ENPP7: variants seen among roughly 807,000 people sequenced by gnomAD.
ENPP7 encodes ectonucleotide pyrophosphatase/phosphodiesterase 7, also known as ectonucleotide pyrophosphatase/phosphodiesterase family member 7.
In ENPP7, 39 loss-of-function variants were observed where a neutral mutation model predicts 33.6. The observed-to-expected ratio is 1.16, with a 90% confidence interval of 0.90 to 1.52. The LOEUF is 1.52. Among genes scored for constraint, ENPP7 ranks in the 40% most tolerant of loss-of-function variants. The pLI is 0.00. For synonymous variants in ENPP7, 244 were observed against 274.3 expected (o/e 0.89, Z 1.09); for missense variants, 594 against 641.0 (o/e 0.93, Z 0.79).
chr17:79,733,462 TG>T, intron 1 of ENPP7, 45 bp from the exon 2 acceptor site: 1 of 1,593,302 alleles, frequency 6.3e-7, no homozygotes, highest in South Asian at 1.1e-5. Context: ...GCCTTCGCTG[TG>T]ACCCCGGTCC....
Position 79,735,051 on chromosome 17 carries a change from G to A in ENPP7, c.408G>A (p.Arg136=). 6.8e-6 allele frequency: 11 copies of A among 1,612,812 alleles called. No individual in the cohort carries two copies. The highest frequency in any genetic ancestry group is 9.3e-6 in the Non-Finnish European group (11 of 1,179,886). Residue 136 remains arginine, a synonymous_variant, in exon 3 of 6, where the codon AGG becomes AGA. Transcript: ENST00000328313. The surrounding 1 kb of genome is among the most constrained non-coding windows in gnomAD (Gnocchi z 5.5). ...IWITAQRQGL[R]AGSFFYPGGN... ...GCTGCCTTGTCTGGCAGGGCCTGAG[G>A]GCTGGCTCCTTCTTCTACCCGGGCG... is the stretch of plus-strand genomic sequence containing the variant.
In ENPP7 at chr17:79,731,017, G is replaced by A. The variant is rs1402411468; in HGVS notation, c.-123G>A. 9.7e-6 allele frequency: 11 copies of A among 1,133,540 alleles called. No homozygotes were observed. The highest frequency in any genetic ancestry group is 6.0e-4 in the Middle Eastern group (2 of 3,308). The allele number at this position is 1,133,540 out of a possible 1,614,324, so 70.2% of individuals were successfully genotyped here. On this transcript the variant is annotated 5_prime_UTR_variant, in exon 1 of 6. In the 5' UTR this introduces an upstream ATG that the reference lacks. Transcript: ENST00000328313. ...CACTCCCGAGGTTCGACCCGGGGAT[G>A]TGCACAGCCACATTCCAAAGGCGCA...
In ENPP7 at chr17:79,735,687, G is replaced by T. The variant is rs1484622218; in HGVS notation, c.1026+18G>T. 1.3e-6 allele frequency: 2 copies of T among 1,591,892 alleles called. No homozygotes were observed. The highest frequency in any genetic ancestry group is 1.7e-6 in the Non-Finnish European group (2 of 1,166,684). ...TCCATGGGGTGAGTCGCCTGCTGGA[G>T]GCACCACCTCCAGGGGCTCCCTCCC... On this transcript the variant is annotated intron_variant, in intron 3 of 5. Transcript: ENST00000328313. The surrounding 1 kb of genome is among the most constrained non-coding windows in gnomAD (Gnocchi z 5.5).
intron 1 of ENPP7, among the ~76,000 whole-genome samples, chr17:79,732,136 A>ATATATG (rs2094287311): frequency 2.1e-5 from 1 of 47,024 alleles, no homozygotes; most frequent in African/African-American, 1.3e-4. Context: ...ATATATGTAT[A>ATATATG]TATATATATA....
chr17:79,738,020 G>A lies in ENPP7; in HGVS notation c.1351G>A (p.Val451Met), dbSNP rs782454569. Residue 451 changes from valine (V) to methionine (M), a missense_variant, in exon 5 of 6, where the codon GTG becomes ATG. This residue lies in a region of ENPP7 where 504 missense variants were observed against 512.8 expected (regional missense o/e 0.98). Transcript: ENST00000328313. The surrounding 1 kb of genome is among the most constrained non-coding windows in gnomAD (Gnocchi z 6.2). ...CCTCGTGATGGGACTGCTGGGGACC[G>A]TGATTCTTCTGTCTGAGGTCGCATA... Reference protein sequence around the residue: ...PLLVMGLLGTVILLSEVA With the variant: ...PLLVMGLLGTMILLSEVA The A allele has an allele frequency of 4.2e-5, 68 of 1,612,718 alleles. No homozygotes were observed. In the East Asian group the frequency reaches 5.8e-4, roughly 14 times the overall value.
rs571332005 is a variant in ENPP7 at position 79,733,215 on chromosome 17, G to A, written c.254-293G>A. Among the ~76,000 whole-genome samples, 9 of 152,332 alleles carry A rather than the reference G, an allele frequency of 5.9e-5. No individual in the cohort carries two copies. In the South Asian group the frequency reaches 1.0e-3, roughly 18 times the overall value. ...GGCTGCCACCAGGATCCCTGCACAC[G>A]CATTCGTGCCTGTGTGCCCGTCCAG... On this transcript the variant is annotated intron_variant, in intron 1 of 5. Coordinates refer to ENST00000328313, the MANE Select transcript of ENPP7 (RefSeq NM_178543.5).
In ENPP7 at chr17:79,741,442, T is replaced by C. The variant is rs74956960; in HGVS notation, c.*17-352T>C. 4.7e-3 allele frequency among the ~76,000 whole-genome samples: 716 copies of C among 152,366 alleles called. 7 individuals are homozygous for C. Among genetic ancestry groups the C allele is most frequent in the African/African-American group, 0.016 (668 of 41,600 alleles). Reference sequence around the variant, plus strand: ...GGCAGAAGACTAGGGGAAGCTCTTCTGCCTCCTGGGATCCGCACACTGCCA... The same window carrying C: ...GGCAGAAGACTAGGGGAAGCTCTTCCGCCTCCTGGGATCCGCACACTGCCA... On this transcript the variant is annotated intron_variant, in intron 5 of 5. Transcript: ENST00000328313.
rs1555823635 is a variant in ENPP7, at chr17:79,736,550, T to TAC, written c.1027-491_1027-490insAC. ...TGTGTGATAGGCGTGTGTGTGTGTGTGTGTGTGTGTGTGTGTGTGTGTGTG... is the reference window on the plus strand; with the variant it reads ...TGTGTGATAGGCGTGTGTGTGTGTGTACGTGTGTGTGTGTGTGTGTGTGTGTG... On this transcript the variant is annotated intron_variant, in intron 3 of 5. Coordinates refer to ENST00000328313, the MANE Select transcript of ENPP7 (RefSeq NM_178543.5). 1.5e-3 allele frequency among the ~76,000 whole-genome samples: 225 copies of TAC among 147,606 alleles called. 1 individual carries two copies. Among genetic ancestry groups the TAC allele is most frequent in the East Asian group, 0.011 (56 of 5,086 alleles).
rs1598197592 is a variant in ENPP7, at chr17:79,732,139, T to TATATATAC, written c.253+754_253+755insCATATATA. ...ATATATACATATATATATGTATATA[T>TATATATAC]ATATATATATACACACACATATATA... On this transcript the variant is annotated intron_variant, in intron 1 of 5. Coordinates refer to ENST00000328313, the MANE Select transcript of ENPP7 (RefSeq NM_178543.5). Among the ~76,000 whole-genome samples the TATATATAC allele has an allele frequency of 9.3e-4, 50 of 53,534 alleles. 1 individual carries two copies. The East Asian group carries it at 0.013, about 14-fold the overall frequency. The allele number at this position is 53,534 out of a possible 152,430, so 35.1% of individuals were successfully genotyped here. A position where few individuals can be genotyped will look rare whatever the true frequency, so the allele number is the denominator to read the frequency against.
intron 2 of ENPP7, 76 bp downstream of exon 2, chr17:79,733,729 G>T: frequency 6.9e-7 from 1 of 1,444,194 alleles, no homozygotes. Context: ...GGAACCATGT[G>T]AGATCCACGG....
chr17:79,734,924 A>C (rs1028587909), intron 2 of ENPP7, 119 bp from the exon 3 acceptor site: 14 of 1,028,682 alleles, frequency 1.4e-5, no homozygotes. Context: ...TGCAGCTAGG[A>C]GCAGGGATGG....
Position 79,737,082 on chromosome 17 carries a change from C to T in ENPP7, c.1068C>T (p.Asp356=). 6.2e-7 allele frequency: 1 copy of T among 1,614,188 alleles called. No homozygotes were observed. The highest frequency in any genetic ancestry group is 8.5e-7 in the Non-Finnish European group (1 of 1,180,040). The change falls in exon 4 of 6, where the codon GAC becomes GAT. Residue 356 remains aspartate, a synonymous_variant. Coordinates refer to ENST00000328313, the MANE Select transcript of ENPP7 (RefSeq NM_178543.5). This position sits in a 1 kb window ranked among gnomAD's most constrained non-coding sequence, Gnocchi z 5.5. ...VQFNNGEHGF[D]NKDMDMKTIF... ...TCAACAATGGGGAGCACGGCTTTGACAACAAGGACATGGACATGAAGACCA... is the reference window on the plus strand; with the variant it reads ...TCAACAATGGGGAGCACGGCTTTGATAACAAGGACATGGACATGAAGACCA...
intron 3 of ENPP7, 75 bp from the exon 4 acceptor site, chr17:79,736,966 T>C: frequency 3.2e-6 from 4 of 1,265,650 alleles, no homozygotes; most frequent in South Asian, 2.5e-5. Flanking sequence ...GGGGTGTTCA[T>C]AGGGTGGATA....
intron 2 of ENPP7, 42 bp downstream of exon 2, chr17:79,733,695 G>A (rs781955212): frequency 6.4e-7 from 1 of 1,552,474 alleles, no homozygotes; most frequent in South Asian, 1.2e-5. Flanking sequence ...AGAGCACGGG[G>A]GCACCTAGGC....
At position 79,741,848 on chromosome 17, in the gene ENPP7, C is replaced by T. The variant is rs1555824678; in HGVS notation, c.*71C>T. 1.0e-6 allele frequency: 1 copy of T among 985,730 alleles called. No homozygotes were observed. The allele number at this position is 985,730 out of a possible 1,614,324, so 61.1% of individuals were successfully genotyped here. A position where few individuals can be genotyped will look rare whatever the true frequency, so the allele number is the denominator to read the frequency against. ...GGGCCGGCTGTCTCGCTGCGATGCT[C>T]TGCTGGTCGCGGACGGACCCTGCCT... On this transcript the variant is annotated 3_prime_UTR_variant, in exon 6 of 6. Transcript: ENST00000328313.
intron 2 of ENPP7, among the ~76,000 whole-genome samples, chr17:79,734,644 AT>A (rs1170253523): frequency 6.6e-6 from 1 of 151,880 alleles, no homozygotes; most frequent in East Asian, 1.9e-4. Flanking sequence ...CGCCTGGCTA[AT>A]TTTTTTGTAT....
In ENPP7 at chr17:79,737,343, GAC is replaced by G; in HGVS notation, c.1246+86_1246+87del. Reference sequence around the variant, plus strand: ...AGGGTGCCTGCATGCCTGTGACCAGGACACCCTTGAGCCCCAAGTGGGGCCAC... The same window carrying G: ...AGGGTGCCTGCATGCCTGTGACCAGGACCCTTGAGCCCCAAGTGGGGCCAC... On this transcript the variant is annotated intron_variant, in intron 4 of 5. Coordinates refer to ENST00000328313, the MANE Select transcript of ENPP7 (RefSeq NM_178543.5). This position sits in a 1 kb window ranked among gnomAD's most constrained non-coding sequence, Gnocchi z 5.5. 8.2e-7 allele frequency: 1 copy of G among 1,226,490 alleles called. No individual in the cohort carries two copies. 76.0% of individuals were successfully genotyped at this position (1,226,490 alleles called of 1,614,324 possible). A position where few individuals can be genotyped will look rare whatever the true frequency, so the allele number is the denominator to read the frequency against.
chr17:79,730,965 G>C lies in ENPP7; in HGVS notation c.-175G>C, dbSNP rs2094283952. 1 of 647,538 alleles carries C rather than the reference G, an allele frequency of 1.5e-6. No individual in the cohort carries two copies. The highest frequency in any genetic ancestry group is 1.8e-5 in the African/African-American group (1 of 54,648). 40.1% of individuals were successfully genotyped at this position (647,538 alleles called of 1,614,324 possible). On this transcript the variant is annotated 5_prime_UTR_variant, in exon 1 of 6. Coordinates refer to ENST00000328313, the MANE Select transcript of ENPP7 (RefSeq NM_178543.5). ...CCCACGCACGTGAGGCTGGGACCAG[G>C]GGTGGCACTGACACGGCTGGGGAGC... is the stretch of plus-strand genomic sequence containing the variant.
chr17:79,740,851 G>A (rs541310340), intron 5 of ENPP7, among the ~76,000 whole-genome samples: 137 of 152,310 alleles, frequency 9.0e-4, no homozygotes, highest in Admixed American at 1.6e-3. Context: ...GAAGAAGCCC[G>A]CAGAATCATC....
Sources: allele counts gnomAD v4.1 joint callset (sites outside exome capture counted in the v4.1 genomes callset), GRCh38; gene constraint gnomAD v4.1.1; regional missense constraint gnomAD v4.1.1; non-coding constraint Gnocchi (gnomAD v3.1); transcripts MANE v1.5; gene names NCBI Gene and HGNC (gene_info 2026-07-23, HGNC 2026-07-21).